GNAL: variants seen among roughly 807,000 people sequenced by gnomAD.
The protein encoded by GNAL is guanine nucleotide-binding protein G(olf) subunit alpha.
In GNAL, 18 loss-of-function variants were observed where a neutral mutation model predicts 55.1. The observed-to-expected ratio is 0.33, with a 90% CI of 0.23 to 0.48. The LOEUF is 0.48. GNAL is among the 20% of genes least tolerant of loss of function. The pLI, the probability that GNAL is intolerant of heterozygous loss-of-function variation, is 0.99. For missense variants in GNAL, 412 were observed against 614.1 expected, an observed-to-expected ratio of 0.67 and a Z score of 3.48; for synonymous variants, 253 against 237.0, an observed-to-expected ratio of 1.07 and a Z score of -0.62.
At chr18:11,790,054 G>A (rs994831897) in intron 4 of GNAL, among the ~76,000 whole-genome samples, 2 of 152,234 alleles carry the variant, frequency 1.3e-5, no homozygotes, top group Non-Finnish European at 2.9e-5. Flanking sequence ...TTTCTAGAAC[G>A]CTCCAGTGGC....
Position 11,885,029 on chromosome 18 carries a change from C to A in GNAL, c.*3894C>A, listed in dbSNP as rs1209417731. 7.7e-7 allele frequency: 1 copy of A among 1,295,932 alleles called. No homozygotes were observed. The highest frequency in any genetic ancestry group is 1.0e-6 in the Non-Finnish European group (1 of 993,370). 80.3% of individuals were successfully genotyped at this position (1,295,932 alleles called of 1,614,324 possible). ...TGTCTTCCTGCCCCTTGATGCTCAA[C>A]TAAGCATCTGTTCCCTAGAAATACA... On this transcript the variant is annotated 3_prime_UTR_variant, in exon 12 of 12. Coordinates refer to ENST00000334049, the MANE Select transcript of GNAL (RefSeq NM_182978.4).
intron 4 of GNAL, among the ~76,000 whole-genome samples, chr18:11,766,106 C>T (rs932884199): frequency 2.6e-5 from 4 of 152,178 alleles, no homozygotes; most frequent in African/African-American, 9.7e-5. Flanking sequence ...CAAATTAAGA[C>T]TTAAATGAGT....
In GNAL at chr18:11,752,613, C is replaced by T. The variant is rs773714013; in HGVS notation, c.377-240C>T. The T allele has an allele frequency of 2.6e-6, 4 of 1,561,894 alleles. No homozygotes were observed. The South Asian group carries it at 3.5e-5, about 14-fold the overall frequency. ...AGGGGCGCGCGGCGGCTCCCGGCCCCAGCGGAGCGCACAGCCAGGAGCGGC... is the reference window on the plus strand; with the variant it reads ...AGGGGCGCGCGGCGGCTCCCGGCCCTAGCGGAGCGCACAGCCAGGAGCGGC... On this transcript the variant is annotated intron_variant, in intron 1 of 11. Transcript: ENST00000334049. This position sits in a 1 kb window ranked among gnomAD's most constrained non-coding sequence, Gnocchi z 4.5.
At chr18:11,852,784 G>A (rs376716959) in intron 5 of GNAL, 8 of 166,676 alleles carry the variant, frequency 4.8e-5, no homozygotes, top group Admixed American at 3.9e-4. Context: ...TTGTCTTTGC[G>A]TAACTGGGAA....
Position 11,689,669 on chromosome 18 carries a change from C to A in GNAL, c.106C>A (p.Pro36Thr). 1 of 1,444,090 alleles carries A rather than the reference C, an allele frequency of 6.9e-7. No homozygotes were observed. Among genetic ancestry groups the A allele is most frequent in the African/African-American group, 1.5e-5 (1 of 66,178 alleles). The allele number at this position is 1,444,090 out of a possible 1,614,324, so 89.5% of individuals were successfully genotyped here. Residue 36 changes from proline to threonine, a missense_variant, in exon 1 of 12, where the codon CCG (proline) becomes ACG (threonine). Physicochemically the swap from Pro to Thr is conservative, Grantham distance 38. Transcript: ENST00000334049. ...PVEDAQPAPA[P>T]ALAPVRAAAR... ...GGAGGACGCGCAGCCCGCCCCGGCC[C>A]CGGCCCTGGCCCCAGTCCGGGCGGC...
chr18:11,764,318 G>C (rs1051537550), intron 4 of GNAL, among the ~76,000 whole-genome samples: 2 of 151,978 alleles, frequency 1.3e-5, no homozygotes, highest in African/African-American at 4.8e-5. Flanking sequence ...TGTTGGCCAG[G>C]CTGGTCTCAA....
intron 1 of GNAL, among the ~76,000 whole-genome samples, chr18:11,736,893 G>A (rs2032474368): frequency 6.6e-6 from 1 of 152,190 alleles, no homozygotes; most frequent in Non-Finnish European, 1.5e-5. Flanking sequence ...CTATGGACAA[G>A]GGCATACTGG....
At chr18:11,796,487 T>G (rs1568031298) in intron 4 of GNAL, among the ~76,000 whole-genome samples, 1 of 146,552 alleles carries the variant, frequency 6.8e-6, no homozygotes, top group Non-Finnish European at 1.5e-5. Flanking sequence ...GGCAGGAGAA[T>G]GGTATGAACC....
chr18:11,779,532 G>A (rs1370893487), intron 4 of GNAL, among the ~76,000 whole-genome samples: 1 of 152,104 alleles, frequency 6.6e-6, no homozygotes, highest in Non-Finnish European at 1.5e-5. Context: ...TGGAATAATG[G>A]GGTGTCCTTT....
At chr18:11,841,096 A>C (rs2035604384) in intron 5 of GNAL, among the ~76,000 whole-genome samples, 1 of 149,874 alleles carries the variant, frequency 6.7e-6, no homozygotes, top group South Asian at 2.1e-4. Context: ...CTGGTCTTGA[A>C]CTCCTGGGCT....
chr18:11,762,780 C>T (rs1006493092), intron 4 of GNAL, among the ~76,000 whole-genome samples: 16 of 152,148 alleles, frequency 1.1e-4, no homozygotes, highest in African/African-American at 3.6e-4. Context: ...GGATCACTTC[C>T]GAATTCATAA....
chr18:11,738,889 C>T (rs1267476563), intron 1 of GNAL, among the ~76,000 whole-genome samples: 3 of 152,174 alleles, frequency 2.0e-5, no homozygotes, highest in Non-Finnish European at 4.4e-5. Flanking sequence ...GGCAGGACGG[C>T]AGTGACCTGG....
At chr18:11,851,938 A>G (rs2035879989) in intron 5 of GNAL, 1 of 1,613,960 alleles carries the variant, frequency 6.2e-7, no homozygotes, top group Non-Finnish European at 8.5e-7. Flanking sequence ...GACGACGCTC[A>G]CCACTCCCCA....
chr18:11,860,162 C>T (rs184835024), intron 5 of GNAL, among the ~76,000 whole-genome samples: 2 of 152,298 alleles, frequency 1.3e-5, no homozygotes, highest in Admixed American at 6.5e-5. Context: ...GTCACAGTTG[C>T]CCCCACTGTT....
intron 1 of GNAL, among the ~76,000 whole-genome samples, chr18:11,732,685 A>G (rs1476225636): frequency 1.3e-5 from 2 of 152,236 alleles, no homozygotes; most frequent in East Asian, 3.8e-4. Flanking sequence ...TTTTAACTAC[A>G]TGGTTCTAAA....
At chr18:11,738,152 G>C (rs916139600) in intron 1 of GNAL, among the ~76,000 whole-genome samples, 3 of 152,166 alleles carry the variant, frequency 2.0e-5, no homozygotes, top group Non-Finnish European at 1.5e-5. Context: ...CCTGCTTCCA[G>C]GCTTTCTCTC....
chr18:11,725,266 T>C (rs2032187147), intron 1 of GNAL, among the ~76,000 whole-genome samples: 1 of 152,186 alleles, frequency 6.6e-6, no homozygotes, highest in African/African-American at 2.4e-5. Context: ...TAATCCAGTA[T>C]GCCTGTTGTC....
chr18:11,818,114 T>C (rs1163365426), intron 4 of GNAL, among the ~76,000 whole-genome samples: 1 of 151,142 alleles, frequency 6.6e-6, no homozygotes, highest in Non-Finnish European at 1.5e-5. Context: ...CTGCCTGTAG[T>C]CTCAGCTAGT....
chr18:11,818,982 C>T (rs1232794295), intron 4 of GNAL, among the ~76,000 whole-genome samples: 1 of 152,202 alleles, frequency 6.6e-6, no homozygotes, highest in Non-Finnish European at 1.5e-5. Context: ...TGTGGACCAC[C>T]GGCCACCCCC....
Sources: gnomAD v4.1 joint callset for allele counts (sites outside exome capture counted in the v4.1 genomes callset) on GRCh38, gnomAD v4.1.1 for gene constraint, Gnocchi (gnomAD v3.1) non-coding constraint, MANE v1.5 for transcripts, NCBI Gene and HGNC (gene_info 2026-07-23, HGNC 2026-07-21) for gene names.